PHF14: variants seen among roughly 807,000 people sequenced by gnomAD.
PHF14 encodes the protein PHD finger protein 14.
In PHF14, 55 loss-of-function variants were observed where a neutral mutation model predicts 117.9. That is an observed-to-expected ratio of 0.47 (90% CI 0.38 to 0.58). The LOEUF is 0.58. Ranked by LOEUF, PHF14 falls within the 20% of genes least tolerant of loss-of-function variation. PHF14 has a pLI of 0.00. For missense variants in PHF14, 978 were observed against 1,122.2 expected (o/e 0.87, Z 1.84); for synonymous variants, 409 against 368.6 (o/e 1.11, Z -1.26).
At chr7:11,167,634 C>T (rs1789238011) in intron 17 of PHF14, among the ~76,000 whole-genome samples, 1 of 152,190 alleles carries the variant, frequency 6.6e-6, no homozygotes. Context: ...AATTTCTTGC[C>T]ATCCGTACCT....
At chr7:10,991,538 G>A (rs1782450874) in intron 4 of PHF14, among the ~76,000 whole-genome samples, 1 of 151,770 alleles carries the variant, frequency 6.6e-6, no homozygotes, top group African/African-American at 2.4e-5. Context: ...TCAAACTCCT[G>A]ACTTTAAGTG....
rs73286515 is a variant in PHF14 at position 11,147,583 on chromosome 7, A to G, written c.2773-21833A>G. ...TTACTTGACCTCTCAATGTTATTTA[A>G]CAATGTCAACCATTCTGTCTTTCTT... On this transcript the variant is annotated intron_variant, in intron 17 of 17. Transcript: ENST00000634607. 1.6e-3 allele frequency among the ~76,000 whole-genome samples: 240 copies of G among 152,306 alleles called. 2 individuals are homozygous for G. Among genetic ancestry groups the G allele is most frequent in the African/African-American group, 5.7e-3 (236 of 41,562 alleles).
chr7:10,989,401 CTAATT>C (rs1340873762), intron 3 of PHF14, among the ~76,000 whole-genome samples: 2 of 151,820 alleles, frequency 1.3e-5, no homozygotes, highest in African/African-American at 4.8e-5. Flanking sequence ...TTGTATGAAA[CTAATT>C]TATTAAATTT....
intron 16 of PHF14, among the ~76,000 whole-genome samples, chr7:11,066,864 A>G (rs1785440516): frequency 1.3e-5 from 2 of 152,142 alleles, no homozygotes; most frequent in African/African-American, 4.8e-5. Context: ...TTGCATTTTC[A>G]TGTAAATATT....
chr7:10,998,352 G>C (rs1399973739), intron 4 of PHF14, among the ~76,000 whole-genome samples: 1 of 152,070 alleles, frequency 6.6e-6, no homozygotes, highest in African/African-American at 2.4e-5. Context: ...TTAGAGATTT[G>C]GGGAGGCAGA....
At chr7:11,041,458 A>G (rs1008785330) in intron 12 of PHF14, among the ~76,000 whole-genome samples, 2 of 151,004 alleles carry the variant, frequency 1.3e-5, no homozygotes, top group Non-Finnish European at 3.0e-5. Context: ...ATGTGTGTGT[A>G]TATTTATCTA....
At chr7:11,137,798 C>G (rs922155008) in intron 17 of PHF14, among the ~76,000 whole-genome samples, 27 of 151,754 alleles carry the variant, frequency 1.8e-4, no homozygotes, top group Admixed American at 1.0e-3. Flanking sequence ...GTTGTCCAGG[C>G]TGGTCTCGAA....
chr7:11,049,696 G>A (rs970445799), intron 13 of PHF14, among the ~76,000 whole-genome samples: 9 of 152,060 alleles, frequency 5.9e-5, no homozygotes, highest in Non-Finnish European at 1.2e-4. Context: ...CATTTCTGGG[G>A]TTTTCACAGT....
chr7:11,037,101 C>A lies in PHF14; in HGVS notation c.1980+10C>A. The stretch of plus-strand genomic sequence containing the variant: ...TGTAGAATATAATAAGGTAAGTTAG[C>A]TACAAAATATGCAACATAATGTGAT... On this transcript the variant is annotated intron_variant, in intron 10 of 17. Transcript: ENST00000634607. 6.8e-7 allele frequency: 1 copy of A among 1,473,630 alleles called. No individual in the cohort carries two copies. The allele number at this position is 1,473,630 out of a possible 1,614,324, so 91.3% of individuals were successfully genotyped here.
At chr7:11,021,738 T>C (rs1783743801) in intron 5 of PHF14, among the ~76,000 whole-genome samples, 1 of 152,114 alleles carries the variant, frequency 6.6e-6, no homozygotes, top group African/African-American at 2.4e-5. Flanking sequence ...ATTTGGGAGG[T>C]TGGATTAAAA....
At chr7:11,034,557 T>TTTG (rs2128321832) in intron 7 of PHF14, among the ~76,000 whole-genome samples, 1 of 137,238 alleles carries the variant, frequency 7.3e-6, no homozygotes, top group African/African-American at 2.7e-5. Context: ...TTTTTTTTTT[T>TTTG]TTTTTTTTTG....
intron 4 of PHF14, among the ~76,000 whole-genome samples, chr7:11,000,171 G>T (rs567793404): frequency 6.6e-6 from 1 of 151,932 alleles, no homozygotes; most frequent in Non-Finnish European, 1.5e-5. Flanking sequence ...TCAAAAATAC[G>T]TTTTGACTTA....
Position 11,039,618 on chromosome 7 carries a change from G to A in PHF14, c.2076+763G>A, listed in dbSNP as rs533393383. 7.9e-5 allele frequency among the ~76,000 whole-genome samples: 12 copies of A among 152,156 alleles called. No homozygotes were observed. The South Asian group carries it at 2.1e-3, about 26-fold the overall frequency. On this transcript the variant is annotated intron_variant, in intron 11 of 17. Coordinates refer to ENST00000634607, the MANE Select transcript of PHF14 (RefSeq NM_001007157.2). ...AGTTTTATTTGTGAAGGAGCTTTTC[G>A]AACAGATATTTTTCATTATACTTGT...
chr7:11,003,786 T>A (rs565036307), intron 4 of PHF14, among the ~76,000 whole-genome samples: 74 of 152,332 alleles, frequency 4.9e-4, no homozygotes, highest in African/African-American at 1.5e-3. Flanking sequence ...GTAAAAATAG[T>A]TATGCTGTCT....
chr7:11,101,580 C>G (rs1787094609), intron 16 of PHF14, among the ~76,000 whole-genome samples: 1 of 151,694 alleles, frequency 6.6e-6, no homozygotes, highest in South Asian at 2.1e-4. Flanking sequence ...ACATTGTATT[C>G]TTTTGTGGGG....
At chr7:11,035,385 T>G (rs1333739757) in intron 7 of PHF14, among the ~76,000 whole-genome samples, 3 of 152,146 alleles carry the variant, frequency 2.0e-5, no homozygotes, top group Non-Finnish European at 4.4e-5. Context: ...TAATACATTA[T>G]ATTTGATTTC....
intron 16 of PHF14, among the ~76,000 whole-genome samples, chr7:11,100,240 CT>C (rs1415481871): frequency 3.3e-5 from 5 of 151,864 alleles, no homozygotes; most frequent in Non-Finnish European, 5.9e-5. Flanking sequence ...GAAAATAGGA[CT>C]GGACACAAAT....
intron 14 of PHF14, among the ~76,000 whole-genome samples, chr7:11,057,757 C>G (rs1785067121): frequency 6.6e-6 from 1 of 152,072 alleles, no homozygotes; most frequent in Admixed American, 6.6e-5. Context: ...AATACCATGC[C>G]AATCTCTTCT....
intron 16 of PHF14, chr7:11,102,693 T>C: frequency 7.0e-7 from 1 of 1,422,922 alleles, no homozygotes; most frequent in Non-Finnish European, 9.2e-7. Flanking sequence ...TATAATTGAT[T>C]GGTTTGTTAC....
Sources: gnomAD v4.1 joint callset for allele counts (sites outside exome capture counted in the v4.1 genomes callset) on GRCh38, gnomAD v4.1.1 for gene constraint, MANE v1.5 for transcripts, NCBI Gene and HGNC (gene_info 2026-07-23, HGNC 2026-07-21) for gene names.